STK33: variants seen among roughly 807,000 people sequenced by gnomAD.
The protein encoded by STK33 is serine/threonine kinase 33.
A neutral mutation model predicts 58.0 loss-of-function variants in STK33; 52 were observed. The observed-to-expected ratio is 0.90, with a 90% CI of 0.72 to 1.13. The LOEUF (loss-of-function observed/expected upper bound fraction) is 1.13, where lower values mean the gene tolerates loss of function less well. STK33 is among the 50% of genes most tolerant of loss of function. The pLI, the probability that STK33 is intolerant of heterozygous loss-of-function variation, is 0.00. For synonymous variants in STK33, 215 were observed against 200.1 expected (o/e 1.07, Z -0.63); for missense variants, 630 against 604.2 (o/e 1.04, Z -0.45).
chr11:8,454,845 T>C lies in STK33; in HGVS notation c.698-13A>G. On this transcript the variant is annotated splice_polypyrimidine_tract_variant and intron_variant, in intron 9 of 15. Coordinates refer to ENST00000687296, the MANE Select transcript of STK33 (RefSeq NM_001352389.2). ...CTATGTACAATATCTACCAAGAAAA[T>C]AAACAACAAATCAAATGAAATGAAT... The C allele has an allele frequency of 6.5e-7, 1 of 1,528,826 alleles. No homozygotes were observed. The highest frequency in any genetic ancestry group is 8.8e-7 in the Non-Finnish European group (1 of 1,133,490). 94.7% of individuals were successfully genotyped at this position (1,528,826 alleles called of 1,614,324 possible).
intron 1 of STK33, among the ~76,000 whole-genome samples, chr11:8,524,656 T>C (rs544540031): frequency 5.9e-5 from 9 of 152,266 alleles, no homozygotes; most frequent in African/African-American, 2.2e-4. Flanking sequence ...AAATATGCCA[T>C]AATACCATAA....
intron 14 of STK33, among the ~76,000 whole-genome samples, chr11:8,426,816 T>C (rs1229696316): frequency 6.6e-6 from 1 of 152,126 alleles, no homozygotes; most frequent in African/African-American, 2.4e-5. Flanking sequence ...CCCCCTTCCA[T>C]ATCATTGTTA....
intron 1 of STK33, among the ~76,000 whole-genome samples, chr11:8,501,853 T>C (rs1350149214): frequency 6.6e-6 from 1 of 152,094 alleles, no homozygotes; most frequent in African/African-American, 2.4e-5. Context: ...ATACATACAA[T>C]AGAGTATTAT....
At chr11:8,469,252 CA>C (rs1948540987) in intron 6 of STK33, among the ~76,000 whole-genome samples, 1 of 152,230 alleles carries the variant, frequency 6.6e-6, no homozygotes, top group South Asian at 2.1e-4. Flanking sequence ...ACTGCTTTAT[CA>C]ACTAAGTTTA....
intron 1 of STK33, among the ~76,000 whole-genome samples, chr11:8,564,011 G>C (rs1957286531): frequency 6.6e-6 from 1 of 152,156 alleles, no homozygotes; most frequent in Admixed American, 6.5e-5. Context: ...GGCCTCATAA[G>C]GTATGTTAAA....
intron 1 of STK33, among the ~76,000 whole-genome samples, chr11:8,520,850 C>A (rs1953355340): frequency 6.6e-6 from 1 of 151,892 alleles, no homozygotes; most frequent in Non-Finnish European, 1.5e-5. Context: ...AAAGAGATCA[C>A]AAACAAATGG....
intron 1 of STK33, among the ~76,000 whole-genome samples, chr11:8,482,720 TTTTATTTA>T (rs995491304): frequency 2.0e-5 from 3 of 151,802 alleles, no homozygotes; most frequent in Non-Finnish European, 4.4e-5. Flanking sequence ...TATTTTTATT[TTTTATTTA>T]TTTATTTATT....
chr11:8,421,278 A>G (rs1414459718), intron 14 of STK33, among the ~76,000 whole-genome samples: 1 of 152,142 alleles, frequency 6.6e-6, no homozygotes, highest in Non-Finnish European at 1.5e-5. Context: ...TTTGGTTTTT[A>G]CTATAAGTCC....
intron 7 of STK33, 29 bp downstream of exon 7, chr11:8,464,680 C>T: frequency 6.5e-7 from 1 of 1,528,906 alleles, no homozygotes; most frequent in Admixed American, 1.7e-5. Context: ...ACACTGTGCC[C>T]TCAGTAGGAT....
downstream of STK33, among the ~76,000 whole-genome samples, chr11:8,388,572 T>C (rs1414974710): frequency 1.3e-5 from 2 of 152,206 alleles, no homozygotes; most frequent in Non-Finnish European, 2.9e-5. Context: ...AAAATGCTTT[T>C]GTAAAGTGAT....
intron 12 of STK33, among the ~76,000 whole-genome samples, chr11:8,439,568 G>C (rs773112091): frequency 6.6e-6 from 1 of 151,878 alleles, no homozygotes; most frequent in Admixed American, 6.6e-5. Context: ...CTTAATGTTT[G>C]AGCTGGGTCC....
intron 1 of STK33, among the ~76,000 whole-genome samples, chr11:8,581,588 A>C (rs936165827): frequency 6.6e-6 from 1 of 152,182 alleles, no homozygotes; most frequent in African/African-American, 2.4e-5. Flanking sequence ...ACTTAGAGGG[A>C]GTCTTCTAAG....
chr11:8,566,856 G>A (rs1285925478), intron 1 of STK33, among the ~76,000 whole-genome samples: 5 of 152,200 alleles, frequency 3.3e-5, no homozygotes, highest in Non-Finnish European at 7.4e-5. Flanking sequence ...TATAACTGTC[G>A]AACCTATGAC....
Position 8,507,295 on chromosome 11 carries a change from C to G in STK33, c.-465-26681G>C, listed in dbSNP as rs576815612. Among the ~76,000 whole-genome samples, 3 of 152,226 alleles carry G rather than the reference C, an allele frequency of 2.0e-5. No individual in the cohort carries two copies. The South Asian group carries it at 6.2e-4, about 32-fold the overall frequency. On this transcript the variant is annotated intron_variant, in intron 1 of 15. Coordinates refer to ENST00000687296, the MANE Select transcript of STK33 (RefSeq NM_001352389.2). ...AAGATTGCCTAGGTTCAAATTCTGG[C>G]CACTTACTAAGCCTGTGATCTTAAT... is the stretch of plus-strand genomic sequence containing the variant.
At chr11:8,590,477 T>A (rs919455462) in intron 1 of STK33, among the ~76,000 whole-genome samples, 6 of 152,270 alleles carry the variant, frequency 3.9e-5, no homozygotes, top group Non-Finnish European at 7.4e-5. Context: ...AATAGAAAAT[T>A]GTTTTTTCTT....
chr11:8,515,265 T>C (rs1952673811), intron 1 of STK33, among the ~76,000 whole-genome samples: 1 of 152,064 alleles, frequency 6.6e-6, no homozygotes, highest in African/African-American at 2.4e-5. Context: ...AAAAGAATCA[T>C]AAGAGACTAC....
chr11:8,413,993 C>A (rs1940727839), intron 14 of STK33, among the ~76,000 whole-genome samples: 1 of 152,112 alleles, frequency 6.6e-6, no homozygotes, highest in South Asian at 2.1e-4. Flanking sequence ...TTCCTGGAAC[C>A]CAAATACCCC....
chr11:8,436,200 A>C, intron 12 of STK33, 61 bp from the exon 13 acceptor site: 1 of 1,027,846 alleles, frequency 9.7e-7, no homozygotes, highest in Non-Finnish European at 1.4e-6. Context: ...GCCTATTAAA[A>C]TTAAGTTTCC....
chr11:8,387,844 C>G (rs539549184), downstream of STK33, among the ~76,000 whole-genome samples: 1 of 150,900 alleles, frequency 6.6e-6, no homozygotes, highest in Non-Finnish European at 1.5e-5. Flanking sequence ...CTCCTCCAGC[C>G]TTGCAATTGC....
Sources: gnomAD v4.1 joint callset for allele counts (sites outside exome capture counted in the v4.1 genomes callset) on GRCh38, gnomAD v4.1.1 for gene constraint, MANE v1.5 for transcripts, NCBI Gene and HGNC (gene_info 2026-07-23, HGNC 2026-07-21) for gene names.